COL23A1: variants seen among roughly 807,000 people sequenced by gnomAD.
COL23A1 encodes the protein collagen alpha-1(XXIII) chain.
Under a neutral mutation model 99.3 loss-of-function variants are expected in COL23A1, and 97 were observed. That is an observed-to-expected ratio of 0.98 (90% CI 0.83 to 1.16). The LOEUF (loss-of-function observed/expected upper bound fraction) is 1.16, where lower values mean the gene tolerates loss of function less well. Ranked by LOEUF, COL23A1 falls within the 50% of genes most tolerant of loss-of-function variation. COL23A1 has a pLI of 0.00. For missense variants in COL23A1, 762 were observed against 757.4 expected, an observed-to-expected ratio of 1.01 and a Z score of -0.07; for synonymous variants, 320 against 308.2, an observed-to-expected ratio of 1.04 and a Z score of -0.40.
At chr5:178,423,608 C>T (rs963618553) in intron 2 of COL23A1, among the ~76,000 whole-genome samples, 5 of 152,110 alleles carry the variant, frequency 3.3e-5, no homozygotes, top group African/African-American at 7.2e-5. Flanking sequence ...CACTGTAAGT[C>T]GAGGGGCATC....
At chr5:178,533,913 G>A (rs1449711620) in intron 2 of COL23A1, among the ~76,000 whole-genome samples, 1 of 152,170 alleles carries the variant, frequency 6.6e-6, no homozygotes, top group African/African-American at 2.4e-5. Flanking sequence ...AGGCTTCAGT[G>A]GACACCCAGT....
At chr5:178,538,417 G>A (rs1761101670) in intron 2 of COL23A1, among the ~76,000 whole-genome samples, 1 of 152,152 alleles carries the variant, frequency 6.6e-6, no homozygotes, top group South Asian at 2.1e-4. Flanking sequence ...AAAAGTACTT[G>A]CCCATTTTAT....
intron 2 of COL23A1, among the ~76,000 whole-genome samples, chr5:178,347,913 CA>C (rs372722305): frequency 1.5e-5 from 2 of 137,784 alleles, no homozygotes; most frequent in African/African-American, 2.7e-5. Flanking sequence ...AAAAACAAAA[CA>C]AAAAAAAAAC....
At chr5:178,336,112 GAAGT>G (rs2127653563) in intron 2 of COL23A1, among the ~76,000 whole-genome samples, 2 of 152,284 alleles carry the variant, frequency 1.3e-5, no homozygotes, top group African/African-American at 4.8e-5. Flanking sequence ...AGGGTGAGGT[GAAGT>G]AAGAACCCGG....
At chr5:178,265,599 GA>G (rs1755838453) in intron 8 of COL23A1, 1 of 855,650 alleles carries the variant, frequency 1.2e-6, no homozygotes, top group Non-Finnish European at 1.4e-6. Context: ...AACGTGGGGT[GA>G]GTTGGGGGTA....
intron 2 of COL23A1, among the ~76,000 whole-genome samples, chr5:178,487,562 G>A (rs1757704428): frequency 6.6e-6 from 1 of 152,134 alleles, no homozygotes; most frequent in South Asian, 2.1e-4. Flanking sequence ...AAATGAGGCA[G>A]TCCCCAGGAT....
chr5:178,471,502 G>A (rs1022676707), intron 2 of COL23A1, among the ~76,000 whole-genome samples: 7 of 147,544 alleles, frequency 4.7e-5, no homozygotes, highest in African/African-American at 1.8e-4. Flanking sequence ...GCCTCCCAAA[G>A]TGCTCGGATT....
intron 2 of COL23A1, among the ~76,000 whole-genome samples, chr5:178,487,288 TTTTATTTA>T (rs70997604): frequency 0.015 from 1,772 of 116,472 alleles, 18 homozygotes; most frequent in South Asian, 0.022. Flanking sequence ...CCAGCCTCAG[TTTTATTTA>T]TTTATTTATT....
intron 13 of COL23A1, 36 bp downstream of exon 13, chr5:178,257,487 G>A (rs1336225941): frequency 6.4e-7 from 1 of 1,559,730 alleles, no homozygotes; most frequent in African/African-American, 1.4e-5. Flanking sequence ...TGGGAGGTGG[G>A]GGCAGGGGGC....
chr5:178,275,580 G>C (rs2913840), intron 5 of COL23A1, among the ~76,000 whole-genome samples: 100,186 of 152,036 alleles, frequency 0.66, 34,231 homozygotes, highest in Non-Finnish European at 0.77. Flanking sequence ...TCATCATGAG[G>C]TCAGCGTGCT....
intron 5 of COL23A1, among the ~76,000 whole-genome samples, chr5:178,284,466 G>T (rs1364736667): frequency 7.2e-5 from 11 of 152,176 alleles, no homozygotes; most frequent in Non-Finnish European, 1.3e-4. Context: ...TTGTTGGTGG[G>T]AATGTAAATT....
intron 19 of COL23A1, 93 bp from the exon 20 acceptor site, chr5:178,248,347 G>C (rs946283886): frequency 1.1e-6 from 1 of 907,432 alleles, no homozygotes; most frequent in Admixed American, 2.4e-5. Flanking sequence ...CCCCCATGTG[G>C]CTCCTGAGAG....
chr5:178,336,423 C>G (rs1011922316), intron 2 of COL23A1, among the ~76,000 whole-genome samples: 8 of 152,212 alleles, frequency 5.3e-5, no homozygotes, highest in Admixed American at 1.3e-4. Flanking sequence ...GAATGAAGTA[C>G]AGATACATGC....
intron 2 of COL23A1, among the ~76,000 whole-genome samples, chr5:178,331,356 G>T (rs1760009438): frequency 6.6e-6 from 1 of 152,250 alleles, no homozygotes; most frequent in Non-Finnish European, 1.5e-5. Flanking sequence ...ACACCTGGGT[G>T]GGTCCCAGCT....
In COL23A1 at chr5:178,362,227, T is replaced by C. The variant is rs551583983; in HGVS notation, c.362-55308A>G. On this transcript the variant is annotated intron_variant, in intron 2 of 28. Coordinates refer to ENST00000390654, the MANE Select transcript of COL23A1 (RefSeq NM_173465.4). ...CTGTTAGACAGACACACCATTCCCA[T>C]TTCCACCCAGAGCCCAAGTGAATGG... 5.3e-5 allele frequency among the ~76,000 whole-genome samples: 8 copies of C among 152,230 alleles called. No homozygotes were observed. In the South Asian group the frequency reaches 1.4e-3, roughly 28 times the overall value.
chr5:178,285,081 G>A (rs1364868080), intron 5 of COL23A1, among the ~76,000 whole-genome samples: 4 of 152,174 alleles, frequency 2.6e-5, no homozygotes, highest in East Asian at 1.9e-4. Context: ...CTCTGTACAC[G>A]GAGGGCATGG....
At chr5:178,572,736 G>A (rs917896710) in intron 1 of COL23A1, among the ~76,000 whole-genome samples, 3 of 152,202 alleles carry the variant, frequency 2.0e-5, no homozygotes, top group Non-Finnish European at 4.4e-5. Flanking sequence ...AATACCCATA[G>A]CAGCTTTATT....
chr5:178,264,792 GATT>G (rs1554128134), intron 8 of COL23A1, among the ~76,000 whole-genome samples: 1 of 152,078 alleles, frequency 6.6e-6, no homozygotes, highest in Non-Finnish European at 1.5e-5. Context: ...GAGTAGGTGG[GATT>G]ATTATTATTA....
intron 11 of COL23A1, among the ~76,000 whole-genome samples, chr5:178,261,468 T>C (rs892958270): frequency 2.6e-5 from 4 of 151,538 alleles, no homozygotes; most frequent in Non-Finnish European, 5.9e-5. Context: ...AAAAGGCTAA[T>C]GTGTTTTATG....
Sources: gnomAD v4.1 joint callset for allele counts (sites outside exome capture counted in the v4.1 genomes callset) on GRCh38, gnomAD v4.1.1 for gene constraint, MANE v1.5 for transcripts, NCBI Gene and HGNC (gene_info 2026-07-23, HGNC 2026-07-21) for gene names.